EDEM1: variants seen among roughly 807,000 people sequenced by gnomAD.
EDEM1 encodes the protein ER degradation-enhancing alpha-mannosidase-like protein 1.
In EDEM1, 67 loss-of-function variants were observed where a neutral mutation model predicts 74.4. The observed-to-expected ratio is 0.90, with a 90% CI of 0.74 to 1.10. The LOEUF is 1.10. EDEM1 is among the 50% of genes least tolerant of loss of function. The probability of loss-of-function intolerance (pLI) is 0.00; values close to 1 mark genes in which losing one functional copy is unlikely to be tolerated. For missense variants in EDEM1, 926 were observed against 851.6 expected (o/e 1.09, Z -1.09); for synonymous variants, 382 against 335.9 (o/e 1.14, Z -1.50).
At chr3:5,193,474 G>A (rs939582297) in intron 1 of EDEM1, among the ~76,000 whole-genome samples, 1 of 151,920 alleles carries the variant, frequency 6.6e-6, no homozygotes, top group African/African-American at 2.4e-5. Context: ...TCAACAAATA[G>A]AAAAAACAGG....
Position 5,217,514 on chromosome 3 carries a change from T to G in EDEM1, c.*1596T>G, listed in dbSNP as rs2055254723. The G allele has an allele frequency of 6.6e-6, 1 of 152,662 alleles. No individual in the cohort carries two copies. Among genetic ancestry groups the G allele is most frequent in the Non-Finnish European group, 1.5e-5 (1 of 68,038 alleles). The allele number at this position is 152,662 out of a possible 1,614,324, so 9.5% of individuals were successfully genotyped here. On this transcript the variant is annotated 3_prime_UTR_variant, in exon 12 of 12. Coordinates refer to ENST00000256497, the MANE Select transcript of EDEM1 (RefSeq NM_014674.3). ...TTTTAGTCAAAAGGGAGAAATCTTATTCCTTCTTGAAAATTTTAAGTGTTA... is the reference window on the plus strand; with the variant it reads ...TTTTAGTCAAAAGGGAGAAATCTTAGTCCTTCTTGAAAATTTTAAGTGTTA...
intron 3 of EDEM1, among the ~76,000 whole-genome samples, chr3:5,201,102 A>G (rs2055029427): frequency 6.6e-6 from 1 of 151,880 alleles, no homozygotes. Flanking sequence ...GAAATAAATC[A>G]GGAGTAATTT....
Position 5,217,829 on chromosome 3 carries a change from A to C in EDEM1, c.*1911A>C, listed in dbSNP as rs989700367. On this transcript the variant is annotated 3_prime_UTR_variant, in exon 12 of 12. Transcript: ENST00000256497. ...CATGCATGCATGCACACACGAGCAT[A>C]CTTGTACCTTTGTCTCTGGGCAAAC... 3 of 152,198 alleles carry C rather than the reference A, an allele frequency of 2.0e-5. No homozygotes were observed. Among genetic ancestry groups the C allele is most frequent in the Non-Finnish European group, 4.4e-5 (3 of 68,038 alleles). 9.4% of individuals were successfully genotyped at this position (152,198 alleles called of 1,614,324 possible). A position where few individuals can be genotyped will look rare whatever the true frequency, so the allele number is the denominator to read the frequency against.
At position 5,208,252 on chromosome 3, in the gene EDEM1, C is replaced by T; in HGVS notation, c.1498C>T (p.Leu500Phe). 1.9e-6 allele frequency: 3 copies of T among 1,611,582 alleles called. No individual in the cohort carries two copies. The highest frequency in any genetic ancestry group is 2.5e-6 in the Non-Finnish European group (3 of 1,179,238). ...ACCAGAGTTAGTGGAATCCACATAT[C>T]TCCTCTACCAGGTACTAGAGTTGTG... ...LRPELVESTYLLYQATKNPFY... is the reference protein window; with the variant it reads ...LRPELVESTYFLYQATKNPFY... The change falls in exon 8 of 12, where the codon CTC becomes TTC. Residue 500 changes from leucine to phenylalanine, a missense_variant. Leu to Phe is a conservative substitution (Grantham distance 22, BLOSUM62 0). Coordinates refer to ENST00000256497, the MANE Select transcript of EDEM1 (RefSeq NM_014674.3).
chr3:5,195,533 T>G (rs934703237), intron 2 of EDEM1, among the ~76,000 whole-genome samples: 1 of 152,248 alleles, frequency 6.6e-6, no homozygotes, highest in African/African-American at 2.4e-5. Flanking sequence ...ACCTATTTTT[T>G]TTTAACCAGT....
chr3:5,206,934 G>A (rs1490341840), intron 6 of EDEM1, among the ~76,000 whole-genome samples: 13 of 152,212 alleles, frequency 8.5e-5, no homozygotes. Flanking sequence ...ATATTACAAT[G>A]GCTGCGTTAG....
intron 1 of EDEM1, among the ~76,000 whole-genome samples, chr3:5,192,641 C>G (rs1210008978): frequency 2.6e-5 from 4 of 152,192 alleles, no homozygotes; most frequent in African/African-American, 4.8e-5. Flanking sequence ...ACAAGAATAT[C>G]TACAAAGAAC....
intron 10 of EDEM1, among the ~76,000 whole-genome samples, 186 bp from the exon 11 acceptor site, chr3:5,213,133 G>C (rs913303487): frequency 7.2e-5 from 11 of 152,204 alleles, no homozygotes; most frequent in Non-Finnish European, 1.2e-4. Flanking sequence ...AGATGAAGCA[G>C]GTGATTCTGC....
rs2054844368 is a variant in EDEM1 at position 5,187,898 on chromosome 3, G to T, written c.93G>T (p.Met31Ile). Residue 31 changes from methionine (M) to isoleucine (I), a missense_variant, in exon 1 of 12, where the codon ATG becomes ATT. Transcript: ENST00000256497. The stretch of plus-strand genomic sequence containing the variant: ...TCGTCTTCGGGCTGGGGCCCAGCAT[G>T]GGCTTCTACCAGCGCTTTCCGCTCA... ...LWLVFGLGPSMGFYQRFPLSF... is the reference protein window; with the variant it reads ...LWLVFGLGPSIGFYQRFPLSF... 2 of 1,600,560 alleles carry T rather than the reference G, an allele frequency of 1.2e-6. No homozygotes were observed. The highest frequency in any genetic ancestry group is 1.7e-6 in the Non-Finnish European group (2 of 1,175,652).
intron 1 of EDEM1, among the ~76,000 whole-genome samples, chr3:5,191,953 A>G (rs1251712967): frequency 6.6e-6 from 1 of 152,220 alleles, no homozygotes. Context: ...TTTCTTCTCA[A>G]CTGTATTGCT....
chr3:5,213,581 G>A, intron 11 of EDEM1, 59 bp downstream of exon 11: 2 of 1,487,032 alleles, frequency 1.3e-6, no homozygotes, highest in Non-Finnish European at 1.8e-6. Context: ...ACTATGAATT[G>A]CTTAGTTGTT....
In EDEM1 at chr3:5,219,080, C is replaced by G. The variant is rs1249699144; in HGVS notation, c.*3162C>G. The G allele has an allele frequency of 6.6e-6, 1 of 152,070 alleles. No homozygotes were observed. The highest frequency in any genetic ancestry group is 1.5e-5 in the Non-Finnish European group (1 of 68,028). 9.4% of individuals were successfully genotyped at this position (152,070 alleles called of 1,614,324 possible). A position where few individuals can be genotyped will look rare whatever the true frequency, so the allele number is the denominator to read the frequency against. On this transcript the variant is annotated 3_prime_UTR_variant, in exon 12 of 12. Transcript: ENST00000256497. Reference sequence around the variant, plus strand: ...TTGTGCAATCTGAGGGCCTTGTTTCCTCCTCCCCTTTCCCCTTCTCCCCAC... The same window carrying G: ...TTGTGCAATCTGAGGGCCTTGTTTCGTCCTCCCCTTTCCCCTTCTCCCCAC...
chr3:5,203,897 A>C (rs1374513436), intron 5 of EDEM1, among the ~76,000 whole-genome samples: 2 of 151,936 alleles, frequency 1.3e-5, no homozygotes, highest in Non-Finnish European at 2.9e-5. Context: ...ATGTCCAGCT[A>C]ATTTTGTTTA....
chr3:5,201,633 T>C, intron 3 of EDEM1, 120 bp from the exon 4 acceptor site: 1 of 1,166,214 alleles, frequency 8.6e-7, no homozygotes, highest in Non-Finnish European at 1.2e-6. Context: ...GTCAGGTCTC[T>C]CTGACGTCAG....
intron 1 of EDEM1, 129 bp downstream of exon 1, chr3:5,188,443 C>T: frequency 9.1e-7 from 1 of 1,097,082 alleles, no homozygotes; most frequent in Non-Finnish European, 1.2e-6. Flanking sequence ...GGCAGCGCTC[C>T]CGCGCCCTGT....
intron 10 of EDEM1, among the ~76,000 whole-genome samples, chr3:5,212,765 C>T (rs1359189608): frequency 6.6e-6 from 1 of 152,198 alleles, no homozygotes; most frequent in Admixed American, 6.5e-5. Flanking sequence ...GTGTCACATG[C>T]ACCATTGAGG....
intron 3 of EDEM1, 138 bp downstream of exon 3, chr3:5,199,833 T>C (rs1047551955): frequency 1.4e-5 from 8 of 580,706 alleles, no homozygotes; most frequent in Non-Finnish European, 2.4e-5. Flanking sequence ...GTGTGCATTT[T>C]TCATGTTCAT....
At chr3:5,213,194 A>C in intron 10 of EDEM1, 125 bp from the exon 11 acceptor site, 1 of 914,494 alleles carries the variant, frequency 1.1e-6, no homozygotes, top group Non-Finnish European at 1.6e-6. Flanking sequence ...CTTTTCACCC[A>C]GTTGTCACTG....
intron 11 of EDEM1, among the ~76,000 whole-genome samples, chr3:5,213,726 C>CT (rs2055196525): frequency 6.6e-6 from 1 of 152,190 alleles, no homozygotes; most frequent in Admixed American, 6.5e-5. Context: ...TCACTGCTGG[C>CT]TGCAGGTGCT....
Sources: allele counts gnomAD v4.1 joint callset (sites outside exome capture counted in the v4.1 genomes callset), GRCh38; gene constraint gnomAD v4.1.1; transcripts MANE v1.5; gene names NCBI Gene and HGNC (gene_info 2026-07-23, HGNC 2026-07-21).